Variants in PACRGL observed in about 807,000 individuals in gnomAD.
PACRGL encodes the protein PACRG-like protein.
In PACRGL, 38 loss-of-function variants were observed where a neutral mutation model predicts 34.5. The observed-to-expected ratio is 1.10, with a 90% CI of 0.85 to 1.44. The LOEUF (loss-of-function observed/expected upper bound fraction) is 1.44, where lower values mean the gene tolerates loss of function less well. Among genes scored for constraint, PACRGL ranks in the 40% most tolerant of loss-of-function variants. PACRGL has a pLI of 0.00. For missense variants in PACRGL, 305 were observed against 281.4 expected, an observed-to-expected ratio of 1.08 and a Z score of -0.60; for synonymous variants, 128 against 100.1, an observed-to-expected ratio of 1.28 and a Z score of -1.66.
chr4:20,741,034 T>C (rs566391348), intron 8 of PACRGL, among the ~76,000 whole-genome samples: 1 of 152,182 alleles, frequency 6.6e-6, no homozygotes, highest in Non-Finnish European at 1.5e-5. Flanking sequence ...ATCCTAAATA[T>C]ATATGCACCA....
At chr4:20,765,245 A>G in the PACRGL span, among the ~76,000 whole-genome samples, 13 of 152,262 alleles carry the variant, frequency 8.5e-5, no homozygotes, top group East Asian at 3.9e-4. Context: ...ATGAATTGCA[A>G]TGCTATCTTG....
chr4:20,741,185 A>G (rs1264165900), intron 8 of PACRGL, among the ~76,000 whole-genome samples: 2 of 152,228 alleles, frequency 1.3e-5, no homozygotes, highest in African/African-American at 4.8e-5. Context: ...TAACAAGGAT[A>G]TCCAGGACTT....
At chr4:20,761,603 G>C in the PACRGL span, among the ~76,000 whole-genome samples, 61 of 152,232 alleles carry the variant, frequency 4.0e-4, no homozygotes, top group Non-Finnish European at 7.5e-4. Context: ...GTTAGAGCTG[G>C]AAAGTTGCCT....
intron 7 of PACRGL, among the ~76,000 whole-genome samples, chr4:20,715,013 TG>T (rs1739167637): frequency 6.6e-6 from 1 of 152,148 alleles, no homozygotes; most frequent in South Asian, 2.1e-4. Flanking sequence ...AGCAAAGACT[TG>T]GAACCAACCC....
At chr4:20,737,425 G>T (rs1326545491), downstream of PACRGL, among the ~76,000 whole-genome samples, 2 of 152,172 alleles carry the variant, frequency 1.3e-5, no homozygotes, top group African/African-American at 4.8e-5. Context: ...CTGAAGAGAA[G>T]AATCTAAAAA....
chr4:20,737,771 T>C (rs757562830), intron 8 of PACRGL, among the ~76,000 whole-genome samples: 4 of 152,196 alleles, frequency 2.6e-5, no homozygotes, highest in East Asian at 1.9e-4. Context: ...TAGAAAATTA[T>C]TTATGACATA....
At chr4:20,712,124 T>A (rs1737544101) in intron 5 of PACRGL, among the ~76,000 whole-genome samples, 1 of 152,080 alleles carries the variant, frequency 6.6e-6, no homozygotes, top group South Asian at 2.1e-4. Context: ...TTTTTGTCTA[T>A]AGTTTCATTT....
chr4:20,738,762 A>G (rs1364972224), intron 8 of PACRGL, among the ~76,000 whole-genome samples: 1 of 152,152 alleles, frequency 6.6e-6, no homozygotes, highest in African/African-American at 2.4e-5. Context: ...GATGCAGCCC[A>G]CAGAGTGTGA....
chr4:20,698,015 G>A (rs780018414), upstream of PACRGL, among the ~76,000 whole-genome samples: 8 of 152,114 alleles, frequency 5.3e-5, no homozygotes, highest in Non-Finnish European at 1.2e-4. Flanking sequence ...TCACTTATGG[G>A]TATGACCAGC....
chr4:20,756,136 C>T (rs777987592), downstream of PACRGL, among the ~76,000 whole-genome samples: 2 of 150,760 alleles, frequency 1.3e-5, no homozygotes, highest in Non-Finnish European at 2.9e-5. Flanking sequence ...TTTATTTTGG[C>T]AGGAGATAAC....
intron 7 of PACRGL, among the ~76,000 whole-genome samples, chr4:20,718,421 G>C (rs1038253431): frequency 1.3e-5 from 2 of 152,130 alleles, no homozygotes; most frequent in Non-Finnish European, 2.9e-5. Context: ...TTTTCAAAGG[G>C]AATGCTTCCA....
chr4:20,748,687 C>G (rs1752967000), intron 8 of PACRGL, among the ~76,000 whole-genome samples: 1 of 146,600 alleles, frequency 6.8e-6, no homozygotes, highest in Non-Finnish European at 1.5e-5. Context: ...ACTTCTGAGA[C>G]CAAGCACAAC....
chr4:20,707,911 A>G (rs758288528), intron 4 of PACRGL, 41 bp downstream of exon 4: 6 of 1,375,686 alleles, frequency 4.4e-6, no homozygotes, highest in African/African-American at 1.4e-5. Context: ...ATTATTCAAA[A>G]TCATTGAGTA....
At chr4:20,760,124 A>G in the PACRGL span, among the ~76,000 whole-genome samples, 51 of 152,282 alleles carry the variant, frequency 3.3e-4, no homozygotes, top group African/African-American at 1.0e-3. Flanking sequence ...TCAAGAGTCA[A>G]CTGCACATTG....
chr4:20,709,235 T>C (rs1210788093), intron 4 of PACRGL, among the ~76,000 whole-genome samples: 1 of 152,230 alleles, frequency 6.6e-6, no homozygotes, highest in East Asian at 1.9e-4. Context: ...CTCAGTTTTC[T>C]TCTCTTTAAC....
Position 20,720,664 on chromosome 4 carries a change from C to G in PACRGL, c.610-4144C>G, listed in dbSNP as rs555045682. Among the ~76,000 whole-genome samples the G allele has an allele frequency of 7.5e-4, 115 of 152,336 alleles. 2 individuals carry two copies. Among genetic ancestry groups the G allele is most frequent in the African/African-American group, 2.5e-3 (103 of 41,572 alleles). On this transcript the variant is annotated intron_variant, in intron 7 of 8. Transcript: ENST00000503585. ...TGTTGAATATTGGCCCCACTCTCTT[C>G]TGGCTTGTAGAGTGTCTGCCACGAG...
chr4:20,721,598 C>T (rs1743225894), intron 7 of PACRGL, among the ~76,000 whole-genome samples: 1 of 152,154 alleles, frequency 6.6e-6, no homozygotes, highest in Admixed American at 6.5e-5. Flanking sequence ...CACTCCAGAC[C>T]CTGTTTGCCT....
chr4:20,726,613 A>C (rs986306109), intron 8 of PACRGL, among the ~76,000 whole-genome samples: 3 of 152,174 alleles, frequency 2.0e-5, no homozygotes, highest in African/African-American at 7.2e-5. Flanking sequence ...AAAATATTAG[A>C]AATTAAGTCT....
chr4:20,721,482 GT>G (rs1743170873), intron 7 of PACRGL, among the ~76,000 whole-genome samples: 1 of 152,046 alleles, frequency 6.6e-6, no homozygotes, highest in East Asian at 1.9e-4. Flanking sequence ...TTTGATGATG[GT>G]GACGTACAAG....
Sources: allele counts gnomAD v4.1 joint callset (sites outside exome capture counted in the v4.1 genomes callset), GRCh38; gene constraint gnomAD v4.1.1; transcripts MANE v1.5; gene names NCBI Gene and HGNC (gene_info 2026-07-23, HGNC 2026-07-21).